Variants in ETFBKMT observed in about 807,000 individuals in gnomAD.
ETFBKMT encodes electron transfer flavoprotein subunit beta lysine methyltransferase, also known as electron transfer flavoprotein beta subunit lysine methyltransferase.
In ETFBKMT, 13 loss-of-function variants were observed where a neutral mutation model predicts 18.3. The ratio of observed to expected loss-of-function variants is 0.71; its 90% confidence interval spans 0.46 to 1.13. The LOEUF is 1.13. ETFBKMT is among the 50% of genes most tolerant of loss of function. ETFBKMT has a pLI of 0.00. For synonymous variants in ETFBKMT, 84 were observed against 107.9 expected, an observed-to-expected ratio of 0.78 and a Z score of 1.37; for missense variants, 293 against 306.2, an observed-to-expected ratio of 0.96 and a Z score of 0.32.
At chr12:31,650,250 T>C (rs185008420) in intron 1 of ETFBKMT, among the ~76,000 whole-genome samples, 2 of 152,014 alleles carry the variant, frequency 1.3e-5, no homozygotes, top group East Asian at 3.9e-4. Context: ...AAAACCAAGA[T>C]GGCAACGAGA....
intron 1 of ETFBKMT, among the ~76,000 whole-genome samples, chr12:31,651,789 G>A (rs1410493582): frequency 6.6e-6 from 1 of 152,156 alleles, no homozygotes; most frequent in Non-Finnish European, 1.5e-5. Context: ...AATCACTTAG[G>A]CAGATAGTAG....
chr12:31,650,994 C>A (rs1001829942), intron 1 of ETFBKMT, among the ~76,000 whole-genome samples: 3 of 152,068 alleles, frequency 2.0e-5, no homozygotes, highest in Admixed American at 1.3e-4. Context: ...GATGGTGGAT[C>A]CCCGCACCAT....
intron 1 of ETFBKMT, among the ~76,000 whole-genome samples, chr12:31,651,253 G>A (rs1951015116): frequency 6.6e-6 from 1 of 151,536 alleles, no homozygotes; most frequent in Non-Finnish European, 1.5e-5. Flanking sequence ...CCACTGACGT[G>A]TCCATTCCTA....
chr12:31,651,450 C>T (rs1321799056), intron 1 of ETFBKMT, among the ~76,000 whole-genome samples: 7 of 152,028 alleles, frequency 4.6e-5, no homozygotes, highest in African/African-American at 1.7e-4. Context: ...TAGCCTCAGC[C>T]TCCCGAATAG....
rs537331679 is a variant in ETFBKMT at position 31,663,516 on chromosome 12, G to A, written c.314+1249G>A. Among the ~76,000 whole-genome samples the A allele has an allele frequency of 1.1e-3, 168 of 152,332 alleles. 1 individual carries two copies. Among genetic ancestry groups the A allele is most frequent in the African/African-American group, 7.7e-4 (32 of 41,564 alleles). On this transcript the variant is annotated intron_variant, in intron 2 of 3. Transcript: ENST00000357721. ...GCTGGGATTACAGGCATGAGCCATC[G>A]TGCCTGGCAGTAGCAGCTATTTAGA...
At position 31,672,362 on chromosome 12, in the gene ETFBKMT, A is replaced by G; in HGVS notation, c.*4372A>G. The G allele has an allele frequency of 6.4e-7, 1 of 1,573,178 alleles. No individual in the cohort carries two copies. The highest frequency in any genetic ancestry group is 1.7e-4 in the Middle Eastern group (1 of 6,012). ...GTTTGGGCCTACTAATTGCTCCAAC[A>G]CTTCTCGGGAATGATCTATAAAAGA... On this transcript the variant is annotated 3_prime_UTR_variant, in exon 4 of 4. Coordinates refer to ENST00000357721, the MANE Select transcript of ETFBKMT (RefSeq NM_001135863.2).
Position 31,667,678 on chromosome 12 carries a change from A to G in ETFBKMT, c.477A>G (p.Glu159=). 1 of 1,613,176 alleles carries G rather than the reference A, an allele frequency of 6.2e-7. No individual in the cohort carries two copies. The highest frequency in any genetic ancestry group is 8.5e-7 in the Non-Finnish European group (1 of 1,179,728). ...GAATGGCTATTACACTAAATTGTGA[A>G]TTGAACAGACTGAATCCTTTTCCTA... is the stretch of plus-strand genomic sequence containing the variant. ...IAGMAITLNC[E]LNRLNPFPIL... Residue 159 remains glutamate (E), a synonymous_variant, in exon 4 of 4, where the codon GAA becomes GAG. Transcript: ENST00000357721.
chr12:31,657,492 G>T (rs1706177927), upstream of ETFBKMT, among the ~76,000 whole-genome samples: 1 of 152,064 alleles, frequency 6.6e-6, no homozygotes, highest in African/African-American at 2.4e-5. Flanking sequence ...CATTTAAGCT[G>T]CAATATAAAG....
At chr12:31,664,982 G>A (rs1291673130) in intron 2 of ETFBKMT, among the ~76,000 whole-genome samples, 1 of 147,726 alleles carries the variant, frequency 6.8e-6, no homozygotes, top group Non-Finnish European at 1.5e-5. Context: ...TGTCACCCAG[G>A]CTGGAGTGCA....
chr12:31,654,913 A>C (rs992763531), upstream of ETFBKMT, among the ~76,000 whole-genome samples: 2 of 151,820 alleles, frequency 1.3e-5, no homozygotes, highest in Non-Finnish European at 2.9e-5. Flanking sequence ...AAAATTAGCC[A>C]GGTGTGGTGG....
intron 1 of ETFBKMT, among the ~76,000 whole-genome samples, chr12:31,650,716 AC>A (rs1951010232): frequency 6.6e-6 from 1 of 150,626 alleles, no homozygotes; most frequent in Admixed American, 6.7e-5. Context: ...TAGTTCAAAG[AC>A]CTTTGCAATG....
At chr12:31,665,712 A>G (rs910035334) in intron 2 of ETFBKMT, among the ~76,000 whole-genome samples, 10 of 152,218 alleles carry the variant, frequency 6.6e-5, no homozygotes, top group African/African-American at 2.4e-4. Context: ...CATTGTTTCT[A>G]TAGATATTAG....
At chr12:31,658,480 A>G (rs965870222), upstream of ETFBKMT, among the ~76,000 whole-genome samples, 5 of 152,228 alleles carry the variant, frequency 3.3e-5, no homozygotes, top group Admixed American at 6.5e-5. Flanking sequence ...CTGGAAGCAC[A>G]AAGTTTCCTT....
chr12:31,655,360 G>A (rs182730569), upstream of ETFBKMT, among the ~76,000 whole-genome samples: 96 of 152,166 alleles, frequency 6.3e-4, no homozygotes, highest in African/African-American at 2.1e-3. Flanking sequence ...CACAAATCGC[G>A]CCTAAGAAAA....
At chr12:31,662,502 TTTC>T in intron 2 of ETFBKMT, among the ~76,000 whole-genome samples, 2 of 145,100 alleles carry the variant, frequency 1.4e-5, no homozygotes, top group East Asian at 2.1e-4. Flanking sequence ...TTTTTCTTTC[TTTC>T]TTTTTTTTTT....
chr12:31,649,683 T>A (rs1282650833), intron 1 of ETFBKMT, among the ~76,000 whole-genome samples: 3 of 152,138 alleles, frequency 2.0e-5, no homozygotes, highest in Non-Finnish European at 4.4e-5. Flanking sequence ...TGATCATAGA[T>A]CTTTGATGTT....
intron 1 of ETFBKMT, among the ~76,000 whole-genome samples, chr12:31,651,102 C>G (rs1452244667): frequency 6.6e-6 from 1 of 152,044 alleles, no homozygotes; most frequent in Non-Finnish European, 1.5e-5. Context: ...GCCACTTGAC[C>G]TAAGGGCAGG....
At chr12:31,650,642 T>A (rs1054131438) in intron 1 of ETFBKMT, among the ~76,000 whole-genome samples, 3 of 150,642 alleles carry the variant, frequency 2.0e-5, no homozygotes, top group South Asian at 2.1e-4. Context: ...TTTTTTTTTT[T>A]AAAGAATCAC....
chr12:31,653,418 T>TCC (rs200966020), intron 1 of ETFBKMT, among the ~76,000 whole-genome samples: 6 of 152,056 alleles, frequency 3.9e-5, no homozygotes, highest in South Asian at 2.1e-4. Context: ...GAGTGAGGAT[T>TCC]CTAGTGTCAG....
Sources: allele counts gnomAD v4.1 joint callset (sites outside exome capture counted in the v4.1 genomes callset), GRCh38; gene constraint gnomAD v4.1.1; transcripts MANE v1.5; gene names NCBI Gene and HGNC (gene_info 2026-07-23, HGNC 2026-07-21).